Variants in CADM2 observed in about 807,000 individuals in gnomAD.
CADM2 encodes the protein immunoglobulin superfamily member 4D.
CADM2 carries 12 observed loss-of-function variants against 49.8 expected under a neutral mutation model. The observed-to-expected ratio is 0.24, with a 90% CI of 0.15 to 0.39. CADM2 has a LOEUF of 0.39. Ranked by LOEUF, CADM2 falls within the 10% of genes least tolerant of loss-of-function variation. The pLI is 1.00. For missense variants in CADM2, 378 were observed against 492.3 expected (o/e 0.77, Z 2.20); for synonymous variants, 214 against 175.4 (o/e 1.22, Z -1.74).
chr3:85,743,518 T>G (rs562871343), intron 2 of CADM2, among the ~76,000 whole-genome samples: 2 of 152,314 alleles, frequency 1.3e-5, no homozygotes, highest in African/African-American at 4.8e-5. Context: ...AAACACTTTG[T>G]ATAGAACTAC....
intron 1 of CADM2, among the ~76,000 whole-genome samples, chr3:85,311,372 T>TATG (rs1333743551): frequency 6.7e-6 from 1 of 149,246 alleles, no homozygotes; most frequent in East Asian, 1.9e-4. Context: ...TATTTATTAT[T>TATG]ATTATTATTA....
At chr3:85,292,174 G>T (rs2043818400) in intron 1 of CADM2, among the ~76,000 whole-genome samples, 1 of 147,378 alleles carries the variant, frequency 6.8e-6, no homozygotes, top group African/African-American at 2.6e-5. Context: ...AACCAACAAA[G>T]ATCAAAAGAG....
At chr3:85,518,181 G>A (rs530894125) in intron 1 of CADM2, among the ~76,000 whole-genome samples, 2 of 152,076 alleles carry the variant, frequency 1.3e-5, no homozygotes, top group South Asian at 2.1e-4. Context: ...AGTAGAGATG[G>A]GTTTTCGCCA....
At chr3:85,213,085 G>T (rs1159240429) in intron 1 of CADM2, among the ~76,000 whole-genome samples, 1 of 151,858 alleles carries the variant, frequency 6.6e-6, no homozygotes, top group East Asian at 1.9e-4. Flanking sequence ...GTTTCACCAT[G>T]TTGGCCAGGC....
intron 2 of CADM2, among the ~76,000 whole-genome samples, chr3:85,773,045 G>A (rs931833444): frequency 6.6e-6 from 1 of 151,930 alleles, no homozygotes; most frequent in African/African-American, 2.4e-5. Context: ...TTAAGCAGCT[G>A]AGATACACAT....
At chr3:85,686,248 G>A (rs2066212443) in intron 1 of CADM2, among the ~76,000 whole-genome samples, 1 of 151,996 alleles carries the variant, frequency 6.6e-6, no homozygotes, top group Non-Finnish European at 1.5e-5. Context: ...TTTTATTGGG[G>A]GTTTGAGTTT....
chr3:84,998,771 C>G (rs558119930), intron 1 of CADM2, among the ~76,000 whole-genome samples: 2 of 152,138 alleles, frequency 1.3e-5, no homozygotes, highest in Non-Finnish European at 2.9e-5. Flanking sequence ...GGCAGGTAGC[C>G]AGAGGCTCAG....
chr3:85,328,020 G>A (rs757845348), intron 1 of CADM2, among the ~76,000 whole-genome samples: 12 of 152,072 alleles, frequency 7.9e-5, no homozygotes, highest in Non-Finnish European at 1.3e-4. Context: ...GTTTTCAGTC[G>A]AAATACTTCT....
intron 8 of CADM2, among the ~76,000 whole-genome samples, chr3:85,990,993 C>T (rs746818416): frequency 6.6e-6 from 1 of 152,180 alleles, no homozygotes; most frequent in Non-Finnish European, 1.5e-5. Flanking sequence ...CTCCCCCTTC[C>T]TCCCTTTAAC....
chr3:85,019,153 C>A (rs1209583377), intron 1 of CADM2, among the ~76,000 whole-genome samples: 1 of 152,150 alleles, frequency 6.6e-6, no homozygotes, highest in Non-Finnish European at 1.5e-5. Flanking sequence ...GAGTGACCAG[C>A]CATTCTGGTG....
intron 8 of CADM2, among the ~76,000 whole-genome samples, chr3:86,026,825 C>T (rs938817860): frequency 2.0e-5 from 3 of 152,154 alleles, no homozygotes; most frequent in Admixed American, 2.0e-4. Flanking sequence ...CTGGAAAATA[C>T]TGAATACTTC....
At chr3:85,541,773 T>TATATATATATATA (rs1553739263) in intron 1 of CADM2, among the ~76,000 whole-genome samples, 1 of 6,176 alleles carries the variant, frequency 1.6e-4, no homozygotes, top group African/African-American at 2.4e-4. Flanking sequence ...ATATTTTATA[T>TATATATATATATA]TTTATATATA....
At position 85,910,479 on chromosome 3, in the gene CADM2, T is replaced by A. The variant is rs527615811; in HGVS notation, c.530-1894T>A. On this transcript the variant is annotated intron_variant, in intron 5 of 9. Transcript: ENST00000383699. Reference sequence around the variant, plus strand: ...ATTGTGACATATTTTTTCTGAAAGGTCATAGAGTCTTTAATATTTTTAAAT... The same window carrying A: ...ATTGTGACATATTTTTTCTGAAAGGACATAGAGTCTTTAATATTTTTAAAT... Among the ~76,000 whole-genome samples, 25 of 152,208 alleles carry A rather than the reference T, an allele frequency of 1.6e-4. No individual in the cohort carries two copies. In the East Asian group the frequency reaches 3.7e-3, roughly 22 times the overall value.
intron 1 of CADM2, among the ~76,000 whole-genome samples, chr3:85,350,371 A>G (rs2031220267): frequency 6.6e-6 from 1 of 152,152 alleles, no homozygotes; most frequent in African/African-American, 2.4e-5. Context: ...AAATATTTGT[A>G]CCATGATTTA....
chr3:85,471,687 C>CATTTTATTTTATTTTATTTTATTTT (rs56816947), intron 1 of CADM2, among the ~76,000 whole-genome samples: 1,965 of 143,384 alleles, frequency 0.014, 65 homozygotes, highest in Admixed American at 0.051. Context: ...ATATTTTTAG[C>CATTTTATTTTATTTTATTTTATTTT]ATTTTATTTT....
At chr3:85,873,426 G>A (rs2108360050) in intron 3 of CADM2, among the ~76,000 whole-genome samples, 1 of 152,242 alleles carries the variant, frequency 6.6e-6, no homozygotes. Context: ...AGCACTTTGG[G>A]AAGCCAAGGC....
intron 1 of CADM2, among the ~76,000 whole-genome samples, chr3:84,979,723 TAA>T (rs2032051542): frequency 6.6e-6 from 1 of 152,108 alleles, no homozygotes. Context: ...TCAACTACTC[TAA>T]GAGTCCTTTA....
intron 1 of CADM2, among the ~76,000 whole-genome samples, chr3:85,157,969 A>T (rs1279454539): frequency 1.3e-5 from 2 of 152,150 alleles, no homozygotes; most frequent in East Asian, 1.9e-4. Flanking sequence ...TCCAGAATCT[A>T]CAATGAACTC....
Position 85,420,800 on chromosome 3 carries a change from CTT to C in CADM2, c.62-305718_62-305717del, listed in dbSNP as rs2036135704. ...ATGACTCAGAATGTGATAAATAAGACTTTTTCAATTCATAAGAGCTGATGCTC... is the reference window on the plus strand; with the variant it reads ...ATGACTCAGAATGTGATAAATAAGACTTTCAATTCATAAGAGCTGATGCTC... On this transcript the variant is annotated intron_variant, in intron 1 of 9. Transcript: ENST00000383699. 9.2e-5 allele frequency among the ~76,000 whole-genome samples: 14 copies of C among 152,216 alleles called. No individual in the cohort carries two copies. The South Asian group carries it at 2.9e-3, about 32-fold the overall frequency.
Sources: gnomAD v4.1 joint callset for allele counts (sites outside exome capture counted in the v4.1 genomes callset) on GRCh38, gnomAD v4.1.1 for gene constraint, MANE v1.5 for transcripts, NCBI Gene and HGNC (gene_info 2026-07-23, HGNC 2026-07-21) for gene names.